GYPC: variants seen among roughly 807,000 people sequenced by gnomAD.
GYPC encodes the protein glycophorin-C.
In GYPC, 14 loss-of-function variants were observed where a neutral mutation model predicts 12.6. The ratio of observed to expected loss-of-function variants is 1.11; its 90% CI spans 0.74 to 1.74. The LOEUF is 1.74. Ranked by LOEUF, GYPC falls within the 40% of genes most tolerant of loss-of-function variation. The pLI, the probability that GYPC is intolerant of heterozygous loss-of-function variation, is 0.00. For missense variants in GYPC, 225 were observed against 172.1 expected (o/e 1.31, Z -1.72); for synonymous variants, 78 against 62.1 (o/e 1.26, Z -1.20).
chr2:126,664,876 C>T (rs528254093), intron 1 of GYPC, among the ~76,000 whole-genome samples: 100 of 152,320 alleles, frequency 6.6e-4, no homozygotes, highest in South Asian at 1.2e-3. Flanking sequence ...CAGCCTCTAC[C>T]TCTCCCTGTG....
intron 1 of GYPC, chr2:126,658,350 G>A (rs1682429664): frequency 6.6e-6 from 1 of 152,252 alleles, no homozygotes; most frequent in Non-Finnish European, 1.5e-5. Flanking sequence ...AGCTCCCTGG[G>A]GAGCAAAGGG....
At chr2:126,662,169 GCA>G (rs1326638002) in intron 1 of GYPC, among the ~76,000 whole-genome samples, 4 of 152,178 alleles carry the variant, frequency 2.6e-5, no homozygotes, top group African/African-American at 9.7e-5. Context: ...TGTATTCTCA[GCA>G]CAGTCTTAAA....
intron 1 of GYPC, among the ~76,000 whole-genome samples, chr2:126,674,694 T>C (rs1682947219): frequency 6.6e-6 from 1 of 152,160 alleles, no homozygotes; most frequent in Admixed American, 6.5e-5. Flanking sequence ...TGTGGTGTGG[T>C]CGGGTTGGAA....
rs189104533 is a variant in GYPC at position 126,677,481 on chromosome 2, G to A, written c.50-12774G>A. Among the ~76,000 whole-genome samples, 106 of 118,214 alleles carry A rather than the reference G, an allele frequency of 9.0e-4. No homozygotes were observed. In the East Asian group the frequency reaches 0.016, roughly 18 times the overall value. 77.6% of individuals were successfully genotyped at this position (118,214 alleles called of 152,430 possible). ...AGTGTGACAGTGTGTGTGTGAGCAC[G>A]TGTGAGTCTGAGTGTGTGTATGAGA... On this transcript the variant is annotated intron_variant, in intron 1 of 3. Transcript: ENST00000259254.
rs774359594 is a variant in GYPC at position 126,690,272 on chromosome 2, G to T, written c.67G>T (p.Ala23Ser). 94 of 1,612,794 alleles carry T rather than the reference G, an allele frequency of 5.8e-5. No individual in the cohort carries two copies. The highest frequency in any genetic ancestry group is 5.2e-5 in the Non-Finnish European group (61 of 1,178,936). The change falls in exon 2 of 4, where the codon GCC becomes TCC. Residue 23 changes from alanine (A) to serine (S), a missense_variant. Ala to Ser is a moderately conservative substitution (Grantham distance 99). Coordinates refer to ENST00000259254, the MANE Select transcript of GYPC (RefSeq NM_002101.5). ...GTTCACAGAGCCTGATCCGGGGATG[G>T]CCTCTGCCTCCACCACAATGCATAC... ...PLSLEPDPGM[A>S]SASTTMHTTT...
intron 1 of GYPC, among the ~76,000 whole-genome samples, chr2:126,671,917 G>T (rs985648467): frequency 6.6e-6 from 1 of 152,216 alleles, no homozygotes; most frequent in African/African-American, 2.4e-5. Flanking sequence ...CTTCACTAAG[G>T]GTGGCAATGT....
At chr2:126,688,581 G>T (rs1364489974) in intron 1 of GYPC, among the ~76,000 whole-genome samples, 1 of 152,142 alleles carries the variant, frequency 6.6e-6, no homozygotes, top group East Asian at 1.9e-4. Flanking sequence ...TACCCTGCCT[G>T]GTTCCTGGTT....
At chr2:126,670,578 G>C (rs766535887) in intron 1 of GYPC, among the ~76,000 whole-genome samples, 40 of 152,178 alleles carry the variant, frequency 2.6e-4, no homozygotes, top group Admixed American at 1.3e-4. Context: ...GCAGGATATC[G>C]CATGGGTCAC....
At chr2:126,663,018 C>A (rs1682574592) in intron 1 of GYPC, among the ~76,000 whole-genome samples, 1 of 152,140 alleles carries the variant, frequency 6.6e-6, no homozygotes, top group Admixed American at 6.5e-5. Flanking sequence ...GCTCCCGATG[C>A]TGCTCCTTCA....
At chr2:126,675,487 C>T (rs1285939956) in intron 1 of GYPC, 1 of 155,010 alleles carries the variant, frequency 6.5e-6, no homozygotes, top group Non-Finnish European at 1.4e-5. Context: ...GCAGCTCCTA[C>T]CTCATACCCA....
chr2:126,659,286 C>T (rs1682462361), intron 1 of GYPC, among the ~76,000 whole-genome samples: 1 of 152,174 alleles, frequency 6.6e-6, no homozygotes, highest in African/African-American at 2.4e-5. Context: ...TGTCCATTTC[C>T]TGTCAGCACC....
intron 2 of GYPC, among the ~76,000 whole-genome samples, chr2:126,692,701 G>A (rs1683509748): frequency 6.6e-6 from 1 of 152,104 alleles, no homozygotes; most frequent in Admixed American, 6.6e-5. Context: ...AGGTCATTAA[G>A]CTGTGAAAAA....
Position 126,679,143 on chromosome 2 carries a change from C to T in GYPC, c.50-11112C>T, listed in dbSNP as rs540451960. On this transcript the variant is annotated intron_variant, in intron 1 of 3. Coordinates refer to ENST00000259254, the MANE Select transcript of GYPC (RefSeq NM_002101.5). Reference sequence around the variant, plus strand: ...TCCAGAGAAGTGGTAAAGATTAGCACGCAGCATCTGTCTGGGGAGCAGGTA... The same window carrying T: ...TCCAGAGAAGTGGTAAAGATTAGCATGCAGCATCTGTCTGGGGAGCAGGTA... Among the ~76,000 whole-genome samples the T allele has an allele frequency of 3.1e-4, 47 of 152,310 alleles. No homozygotes were observed. The South Asian group carries it at 8.1e-3, about 26-fold the overall frequency.
At chr2:126,686,882 C>G (rs1169757061) in intron 1 of GYPC, among the ~76,000 whole-genome samples, 1 of 152,054 alleles carries the variant, frequency 6.6e-6, no homozygotes, top group African/African-American at 2.4e-5. Flanking sequence ...AGTTGCTGAG[C>G]TCAGCATGAT....
chr2:126,667,694 C>T (rs1348068805), intron 1 of GYPC, among the ~76,000 whole-genome samples: 1 of 152,212 alleles, frequency 6.6e-6, no homozygotes, highest in Non-Finnish European at 1.5e-5. Context: ...TGAGCCACCA[C>T]GCCTGGCCTG....
At chr2:126,668,184 A>G (rs1682740175) in intron 1 of GYPC, among the ~76,000 whole-genome samples, 1 of 152,198 alleles carries the variant, frequency 6.6e-6, no homozygotes, top group Non-Finnish European at 1.5e-5. Context: ...TCTCTGTTGC[A>G]GTATTTTTGT....
At chr2:126,695,647 C>A (rs905444617) in intron 3 of GYPC, among the ~76,000 whole-genome samples, 2 of 149,450 alleles carry the variant, frequency 1.3e-5, no homozygotes, top group Non-Finnish European at 3.0e-5. Context: ...AAAATAGTCT[C>A]TGGGTCAGAT....
intron 1 of GYPC, among the ~76,000 whole-genome samples, chr2:126,663,440 A>C (rs550280466): frequency 6.6e-6 from 1 of 152,196 alleles, no homozygotes; most frequent in Non-Finnish European, 1.5e-5. Context: ...GATGGGGAGC[A>C]AGCCTCTTAC....
At chr2:126,690,815 A>G (rs1458209540) in intron 2 of GYPC, among the ~76,000 whole-genome samples, 1 of 152,110 alleles carries the variant, frequency 6.6e-6, no homozygotes, top group Non-Finnish European at 1.5e-5. Flanking sequence ...CGGGCTCCCC[A>G]TGGGTCATGG....
Sources: allele counts gnomAD v4.1 joint callset (sites outside exome capture counted in the v4.1 genomes callset), GRCh38; gene constraint gnomAD v4.1.1; transcripts MANE v1.5; gene names NCBI Gene and HGNC (gene_info 2026-07-23, HGNC 2026-07-21).